Variants in SCN1A observed in about 807,000 individuals in gnomAD.
The protein encoded by SCN1A is sodium voltage-gated channel alpha subunit 1.
In SCN1A, 13 loss-of-function variants were observed where a neutral mutation model predicts 193.7. The ratio of observed to expected loss-of-function variants is 0.07; its 90% CI spans 0.04 to 0.11. SCN1A has a LOEUF of 0.11. Ranked by LOEUF, SCN1A falls within the 10% of genes least tolerant of loss-of-function variation. SCN1A has a pLI of 1.00. For missense variants in SCN1A, 1,432 were observed against 2,451.1 expected (o/e 0.58, Z 8.78); for synonymous variants, 781 against 843.6 (o/e 0.93, Z 1.29).
At chr2:166,124,070 A>AT (rs978990211) in intron 2 of SCN1A, among the ~76,000 whole-genome samples, 1 of 151,862 alleles carries the variant, frequency 6.6e-6, no homozygotes, top group Admixed American at 6.6e-5. Flanking sequence ...ATCTTGCAGT[A>AT]TTTTTCTTCA....
At chr2:166,000,181 C>T (rs1690632904) in intron 24 of SCN1A, 2 of 213,952 alleles carry the variant, frequency 9.3e-6, no homozygotes, top group South Asian at 1.7e-4. Flanking sequence ...AATTTATCTG[C>T]AGGGTGATCA....
intron 2 of SCN1A, among the ~76,000 whole-genome samples, chr2:166,083,752 T>C (rs1392142080): frequency 6.6e-6 from 1 of 152,186 alleles, no homozygotes; most frequent in Non-Finnish European, 1.5e-5. Flanking sequence ...TTAGGATCTC[T>C]TCTAGACGAT....
intron 2 of SCN1A, among the ~76,000 whole-genome samples, chr2:166,120,771 G>A (rs939323436): frequency 5.9e-5 from 9 of 151,322 alleles, no homozygotes; most frequent in Non-Finnish European, 1.2e-4. Flanking sequence ...ACACCACCAT[G>A]CCTGGCTAAT....
Position 166,048,821 on chromosome 2 carries a change from G to T in SCN1A, c.1028+65C>A, listed in dbSNP as rs897185174. Reference sequence around the variant, plus strand: ...TATCTTCAGTTTCTATAAAAAGAGAGAAAAGATACACATATGTATGTGTAC... The same window carrying T: ...TATCTTCAGTTTCTATAAAAAGAGATAAAAGATACACATATGTATGTGTAC... On this transcript the variant is annotated intron_variant, in intron 10 of 28. Transcript: ENST00000674923. 4 of 1,059,398 alleles carry T rather than the reference G, an allele frequency of 3.8e-6. No individual in the cohort carries two copies. In the Admixed American group the frequency reaches 7.0e-5, roughly 19 times the overall value. 65.6% of individuals were successfully genotyped at this position (1,059,398 alleles called of 1,614,324 possible).
intron 4 of SCN1A, among the ~76,000 whole-genome samples, chr2:166,068,685 A>G (rs1009645896): frequency 3.9e-5 from 6 of 152,212 alleles, no homozygotes; most frequent in Non-Finnish European, 7.3e-5. Context: ...CCAAACATGA[A>G]TTTGAAATCA....
intron 2 of SCN1A, among the ~76,000 whole-genome samples, chr2:166,080,831 T>C (rs975042515): frequency 3.3e-5 from 5 of 151,738 alleles, no homozygotes; most frequent in African/African-American, 1.2e-4. Flanking sequence ...AATAAAGATA[T>C]AATATCATCT....
chr2:166,050,707 G>T lies in SCN1A; in HGVS notation c.964+1012C>A, dbSNP rs990425153. On this transcript the variant is annotated intron_variant, in intron 9 of 28. Transcript: ENST00000674923. ...TTGCCCACACTGGTCTCAAACTCCTGGCCTCAAGTGATCCTCCAGCCTCAG... is the reference window on the plus strand; with the variant it reads ...TTGCCCACACTGGTCTCAAACTCCTTGCCTCAAGTGATCCTCCAGCCTCAG... Among the ~76,000 whole-genome samples the T allele has an allele frequency of 2.1e-5, 3 of 144,338 alleles. No individual in the cohort carries two copies. In the East Asian group the frequency reaches 6.0e-4, roughly 29 times the overall value. The allele number at this position is 144,338 out of a possible 152,430, so 94.7% of individuals were successfully genotyped here.
intron 2 of SCN1A, among the ~76,000 whole-genome samples, chr2:166,089,346 T>C (rs1686512095): frequency 6.6e-6 from 1 of 152,142 alleles, no homozygotes; most frequent in Non-Finnish European, 1.5e-5. Context: ...ATGAAGAAAG[T>C]CTTCTCTGCT....
chr2:166,001,979 A>G (rs1170056377), intron 24 of SCN1A, among the ~76,000 whole-genome samples: 4 of 149,162 alleles, frequency 2.7e-5, no homozygotes, highest in Non-Finnish European at 4.5e-5. Context: ...TTCTAATTCT[A>G]AAACCTAAAT....
At chr2:166,136,888 G>A (rs1301766565) in intron 1 of SCN1A, among the ~76,000 whole-genome samples, 2 of 152,130 alleles carry the variant, frequency 1.3e-5, no homozygotes, top group Admixed American at 6.5e-5. Context: ...TGTGGTCGGG[G>A]AGACTCTCCA....
intron 8 of SCN1A, 41 bp from the exon 9 acceptor site, chr2:166,052,029 G>A: frequency 1.3e-6 from 2 of 1,553,968 alleles, no homozygotes; most frequent in Non-Finnish European, 1.7e-6. Flanking sequence ...CTTAACACGT[G>A]TGAAATAATA....
chr2:166,021,768 T>TGTTGGTATACCAACATTCA (rs1694102087), intron 19 of SCN1A, among the ~76,000 whole-genome samples: 1 of 152,152 alleles, frequency 6.6e-6, no homozygotes, highest in Non-Finnish European at 1.5e-5. Context: ...ACATTCAGTA[T>TGTTGGTATACCAACATTCA]GTATGTTGCA....
intron 2 of SCN1A, among the ~76,000 whole-genome samples, chr2:166,107,052 A>G (rs1194671124): frequency 6.6e-6 from 1 of 152,172 alleles, no homozygotes; most frequent in Non-Finnish European, 1.5e-5. Context: ...TTTTATTTAT[A>G]TTCATCAGAA....
intron 2 of SCN1A, among the ~76,000 whole-genome samples, chr2:166,089,628 G>C (rs537501646): frequency 9.2e-5 from 14 of 152,174 alleles, no homozygotes; most frequent in African/African-American, 3.4e-4. Context: ...AATACATATG[G>C]ATGAATTACT....
At chr2:166,136,085 C>T (rs1429938952) in intron 1 of SCN1A, among the ~76,000 whole-genome samples, 2 of 152,180 alleles carry the variant, frequency 1.3e-5, no homozygotes, top group African/African-American at 4.8e-5. Flanking sequence ...CATAAGGAAG[C>T]TCAGAGACTA....
intron 2 of SCN1A, among the ~76,000 whole-genome samples, chr2:166,102,447 G>C (rs968954543): frequency 1.4e-5 from 2 of 144,832 alleles, no homozygotes; most frequent in Admixed American, 1.4e-4. Flanking sequence ...AGTGAGCCGA[G>C]ATCGCTCCAC....
Position 166,065,434 on chromosome 2 carries a change from A to G in SCN1A, c.265-6746T>C, listed in dbSNP as rs116900079. Among the ~76,000 whole-genome samples, 1,039 of 152,162 alleles carry G rather than the reference A, an allele frequency of 6.8e-3. 10 individuals carry two copies. The highest frequency in any genetic ancestry group is 0.053 in the East Asian group (273 of 5,156). On this transcript the variant is annotated intron_variant, in intron 4 of 28. Coordinates refer to ENST00000674923, the MANE Select transcript of SCN1A (RefSeq NM_001165963.4). ...ATGCTGGGTCAATTCCATGGTATAT[A>G]ATATTTTTTCCCCAAGGACTTTAAA...
intron 2 of SCN1A, among the ~76,000 whole-genome samples, chr2:166,117,778 C>T (rs1186966624): frequency 4.6e-5 from 7 of 152,038 alleles, no homozygotes; most frequent in Non-Finnish European, 7.4e-5. Flanking sequence ...AGGCGGATCA[C>T]GAGATCAGGA....
At chr2:166,089,891 A>G (rs926703733) in intron 2 of SCN1A, among the ~76,000 whole-genome samples, 3 of 152,028 alleles carry the variant, frequency 2.0e-5, no homozygotes, top group South Asian at 2.1e-4. Flanking sequence ...AAAAGTATTG[A>G]TGTAAGATTA....
Sources: allele counts gnomAD v4.1 joint callset (sites outside exome capture counted in the v4.1 genomes callset), GRCh38; gene constraint gnomAD v4.1.1; transcripts MANE v1.5; gene names NCBI Gene and HGNC (gene_info 2026-07-23, HGNC 2026-07-21).